MYH11: variants seen among roughly 807,000 people sequenced by gnomAD.
The protein encoded by MYH11 is myosin heavy chain 11, also known as myosin-11.
A neutral mutation model predicts 246.6 loss-of-function variants in MYH11; 80 were observed. The ratio of observed to expected loss-of-function variants is 0.32; its 90% CI spans 0.27 to 0.39. The LOEUF is 0.39. Ranked by LOEUF, MYH11 falls within the 10% of genes least tolerant of loss-of-function variation. The pLI is 1.00. For synonymous variants in MYH11, 1,071 were observed against 1,015.5 expected (o/e 1.05, Z -1.04); for missense variants, 2,158 against 2,546.8 (o/e 0.85, Z 3.29).
intron 3 of MYH11, among the ~76,000 whole-genome samples, chr16:15,816,875 G>C (rs1406353067): frequency 6.6e-6 from 1 of 151,194 alleles, no homozygotes; most frequent in Non-Finnish European, 1.5e-5. Flanking sequence ...AAAATTACTT[G>C]ACTCTAAGCC....
At chr16:15,721,694 G>A in intron 31 of MYH11, 60 bp from the exon 32 acceptor site, 1 of 1,568,242 alleles carries the variant, frequency 6.4e-7, no homozygotes, top group Non-Finnish European at 8.8e-7. Context: ...TCACTGAATT[G>A]TAAATACCGG....
At chr16:15,729,254 G>T (rs1051893479) in intron 27 of MYH11, among the ~76,000 whole-genome samples, 3 of 152,106 alleles carry the variant, frequency 2.0e-5, no homozygotes, top group Admixed American at 6.6e-5. Context: ...GGTAGGAGCT[G>T]ATGTTAAACG....
intron 2 of MYH11, among the ~76,000 whole-genome samples, chr16:15,826,885 C>T (rs537828789): frequency 3.3e-5 from 5 of 149,692 alleles, no homozygotes; most frequent in East Asian, 2.0e-4. Flanking sequence ...CCCAGCTACT[C>T]GGCAGGCTGA....
chr16:15,728,953 G>T (rs1210481193), intron 27 of MYH11, among the ~76,000 whole-genome samples: 1 of 152,022 alleles, frequency 6.6e-6, no homozygotes, highest in Admixed American at 6.6e-5. Context: ...CTTCTTTCCA[G>T]GTTGTAGAGA....
intron 14 of MYH11, among the ~76,000 whole-genome samples, chr16:15,755,706 G>A (rs1236570421): frequency 1.3e-5 from 2 of 152,188 alleles, no homozygotes; most frequent in Non-Finnish European, 2.9e-5. Context: ...GCCGAGGCGG[G>A]TGGATCACCT....
chr16:15,800,539 G>C (rs2042858870), intron 3 of MYH11, among the ~76,000 whole-genome samples: 1 of 151,474 alleles, frequency 6.6e-6, no homozygotes, highest in Non-Finnish European at 1.5e-5. Context: ...GAGTGGATGA[G>C]AGAGTGGATG....
chr16:15,832,397 G>A (rs996590705), intron 2 of MYH11, among the ~76,000 whole-genome samples: 1 of 152,060 alleles, frequency 6.6e-6, no homozygotes, highest in Non-Finnish European at 1.5e-5. Context: ...GAAGCAGGGC[G>A]TGTGTGAGTG....
intron 3 of MYH11, among the ~76,000 whole-genome samples, chr16:15,803,079 G>A (rs1265466932): frequency 6.6e-6 from 1 of 151,840 alleles, no homozygotes; most frequent in Non-Finnish European, 1.5e-5. Context: ...GGAGGTTGCA[G>A]TGAGTTGAGA....
chr16:15,716,563 C>T (rs934884564), intron 38 of MYH11, among the ~76,000 whole-genome samples: 1 of 151,972 alleles, frequency 6.6e-6, no homozygotes, highest in South Asian at 2.1e-4. Flanking sequence ...ACTGTGTCAC[C>T]CAGGCTGCAG....
At chr16:15,797,634 T>C (rs540116949) in intron 4 of MYH11, among the ~76,000 whole-genome samples, 16 of 150,448 alleles carry the variant, frequency 1.1e-4, no homozygotes, top group Middle Eastern at 3.5e-3. Context: ...TATTTATATA[T>C]TCTATATTTT....
At position 15,745,504 on chromosome 16, in the gene MYH11, A is replaced by G. The variant is rs181552616; in HGVS notation, c.2412-267T>C. ...AGCTGAGATCCAAACACCACTCAGA[A>G]AACACAACTATGTGCATCATTCCTA... On this transcript the variant is annotated intron_variant, in intron 19 of 40. Transcript: ENST00000300036. 8.4e-3 allele frequency among the ~76,000 whole-genome samples: 1,273 copies of G among 152,222 alleles called. 15 individuals are homozygous for G. Among genetic ancestry groups the G allele is most frequent in the Non-Finnish European group, 0.012 (834 of 68,022 alleles).
intron 2 of MYH11, among the ~76,000 whole-genome samples, chr16:15,825,465 G>A (rs1390165001): frequency 6.6e-6 from 1 of 151,982 alleles, no homozygotes. Context: ...GCTGAGTCAG[G>A]AGGATTGCTT....
intron 34 of MYH11, among the ~76,000 whole-genome samples, 161 bp from the exon 35 acceptor site, chr16:15,719,874 G>A (rs62029308): frequency 0.012 from 1,867 of 152,260 alleles, 20 homozygotes; most frequent in Non-Finnish European, 0.021. Flanking sequence ...GGCTGGTGGT[G>A]CGCTGGGAGC....
At chr16:15,793,610 CTTTT>C (rs2042667146) in intron 4 of MYH11, among the ~76,000 whole-genome samples, 1 of 136,072 alleles carries the variant, frequency 7.3e-6, no homozygotes. Context: ...AGTTTCTTTT[CTTTT>C]CTTTTTTTTT....
intron 9 of MYH11, among the ~76,000 whole-genome samples, chr16:15,764,373 G>A (rs2041935553): frequency 6.6e-6 from 1 of 152,078 alleles, no homozygotes; most frequent in South Asian, 2.1e-4. Flanking sequence ...GGCCAGCATA[G>A]TGACTCATGC....
chr16:15,854,101 G>T (rs1397716371), intron 1 of MYH11, among the ~76,000 whole-genome samples: 2 of 152,112 alleles, frequency 1.3e-5, no homozygotes, highest in Non-Finnish European at 2.9e-5. Flanking sequence ...GGTAAGGAAT[G>T]GTAGCTTAAT....
At chr16:15,782,498 G>C (rs760157327) in intron 5 of MYH11, 21 bp from the exon 6 acceptor site, 10 of 1,606,664 alleles carry the variant, frequency 6.2e-6, no homozygotes, top group Admixed American at 3.3e-5. Flanking sequence ...TTCACATCTA[G>C]TTATTGGAGA....
intron 4 of MYH11, among the ~76,000 whole-genome samples, chr16:15,795,399 G>A (rs892689749): frequency 6.6e-6 from 1 of 152,088 alleles, no homozygotes; most frequent in East Asian, 1.9e-4. Context: ...GTCACCTGAG[G>A]TCAGGAGTTC....
At position 15,715,018 on chromosome 16, in the gene MYH11, A is replaced by T. The variant is rs766060149; in HGVS notation, c.5677T>A (p.Ser1893Thr). The T allele has an allele frequency of 1.9e-6, 3 of 1,610,040 alleles. No homozygotes were observed. The highest frequency in any genetic ancestry group is 1.4e-5 in the African/African-American group (1 of 73,508). ...KRQLEEAEEE[S>T]QRINANRRKL... ...CTGCGGTTGGCGTTGATGCGCTGGGACTCCTCCTCTGCCTCCTCCAGCTGC... is the reference window on the plus strand; with the variant it reads ...CTGCGGTTGGCGTTGATGCGCTGGGTCTCCTCCTCTGCCTCCTCCAGCTGC... Residue 1893 changes from serine to threonine, a missense_variant, in exon 40 of 41, where the codon TCC becomes ACC. Physicochemically the swap from Ser to Thr is moderately conservative, Grantham distance 58 (BLOSUM62 1). Around this residue, in one of 11 missense-constraint regions of MYH11, gnomAD observed 1,013 missense variants for 993.5 expected, o/e 1.02. Transcript: ENST00000300036.
Sources: allele counts gnomAD v4.1 joint callset (sites outside exome capture counted in the v4.1 genomes callset), GRCh38; gene constraint gnomAD v4.1.1; regional missense constraint gnomAD v4.1.1; transcripts MANE v1.5; gene names NCBI Gene and HGNC (gene_info 2026-07-23, HGNC 2026-07-21).